The following TP53I11 variants were observed in gnomAD, a reference collection of about 807,000 sequenced individuals.
TP53I11 encodes the protein tumor protein p53 inducible protein 11, also known as tumor protein p53-inducible protein 11.
A neutral mutation model predicts 23.3 loss-of-function variants in TP53I11; 9 were observed. The ratio of observed to expected loss-of-function variants is 0.39; its 90% CI spans 0.23 to 0.67. The LOEUF (loss-of-function observed/expected upper bound fraction) is 0.67. Ranked by LOEUF, TP53I11 falls within the 30% of genes least tolerant of loss-of-function variation. The pLI, the probability that TP53I11 is intolerant of heterozygous loss-of-function variation, is 0.48. For missense variants in TP53I11, 170 were observed against 255.2 expected (o/e 0.67, Z 2.27); for synonymous variants, 100 against 106.1 (o/e 0.94, Z 0.35).
At chr11:44,937,837 G>C (rs928650592) in intron 2 of TP53I11, among the ~76,000 whole-genome samples, 1 of 152,230 alleles carries the variant, frequency 6.6e-6, no homozygotes, top group Non-Finnish European at 1.5e-5. Context: ...ACGTATGAAA[G>C]CTCAGGGCTC....
Position 44,934,825 on chromosome 11 carries a change from C to A in TP53I11, c.*59G>T. ...CTGCCTTCCAGGAGCCAAAGGGAAG[C>A]CGAGGCCCCAGCGCCACTCTGGCCC... On this transcript the variant is annotated 3_prime_UTR_variant, in exon 7 of 7. Transcript: ENST00000525680. The A allele has an allele frequency of 6.2e-6, 10 of 1,604,898 alleles. No individual in the cohort carries two copies. The South Asian group carries it at 1.1e-4, about 18-fold the overall frequency.
rs908014887 is a variant in TP53I11 at position 44,943,736 on chromosome 11, C to T, written c.-31-5370G>A. On this transcript the variant is annotated intron_variant, in intron 1 of 6. Coordinates refer to ENST00000525680, the MANE Select transcript of TP53I11 (RefSeq NM_006034.5). ...TCTGCAGCCACTGGCCACTTATAGC[C>T]TCTACTCCTGGTCATTTCACGGCAG... Among the ~76,000 whole-genome samples the T allele has an allele frequency of 1.6e-4, 24 of 152,338 alleles. 1 individual carries two copies. Among genetic ancestry groups the T allele is most frequent in the Admixed American group, 1.4e-3 (22 of 15,310 alleles).
intron 5 of TP53I11, chr11:44,935,932 G>A (rs538788838): frequency 9.2e-6 from 5 of 543,898 alleles, no homozygotes; most frequent in South Asian, 2.1e-5. Flanking sequence ...ATTGAGACTC[G>A]ATCTCTTTAT....
chr11:44,937,050 G>T, intron 4 of TP53I11, 151 bp from the exon 5 acceptor site: 1 of 726,084 alleles, frequency 1.4e-6, no homozygotes, highest in Non-Finnish European at 2.3e-6. Context: ...GTCCCCACCC[G>T]CCCCCATGCC....
In TP53I11 at chr11:44,933,327, T is replaced by C. The variant is rs1860745071; in HGVS notation, c.*1557A>G. 6.6e-6 allele frequency: 1 copy of C among 152,140 alleles called. No individual in the cohort carries two copies. The highest frequency in any genetic ancestry group is 2.4e-5 in the African/African-American group (1 of 41,416). The allele number at this position is 152,140 out of a possible 1,614,324, so 9.4% of individuals were successfully genotyped here. A position where few individuals can be genotyped will look rare whatever the true frequency, so the allele number is the denominator to read the frequency against. The stretch of plus-strand genomic sequence containing the variant: ...TGAGGACCCCTGGCAGGGGCCCACC[T>C]GGCAGCAGCCAGAGCGGGCTGTACC... On this transcript the variant is annotated 3_prime_UTR_variant, in exon 7 of 7. Transcript: ENST00000525680.
At position 44,936,579 on chromosome 11, in the gene TP53I11, T is replaced by C; in HGVS notation, c.334+224A>G. The C allele has an allele frequency of 1.5e-6, 2 of 1,308,594 alleles. No homozygotes were observed. Among genetic ancestry groups the C allele is most frequent in the East Asian group, 6.1e-5 (2 of 32,784 alleles). 81.1% of individuals were successfully genotyped at this position (1,308,594 alleles called of 1,614,324 possible). On this transcript the variant is annotated intron_variant, in intron 5 of 6. Transcript: ENST00000525680. The surrounding 1 kb of genome is among the most constrained non-coding windows in gnomAD (Gnocchi z 4.4). ...CACACTTATGAGCGCTCCTTGCAGA[T>C]GGTGGCGACTGCAAGCTCCAACCCA...
chr11:44,938,482 C>T (rs948561626), intron 1 of TP53I11, 116 bp from the exon 2 acceptor site: 18 of 1,238,314 alleles, frequency 1.5e-5, no homozygotes, highest in East Asian at 1.1e-4. Context: ...GGCCTCCCCA[C>T]GAGCCCAGGG....
In TP53I11 at chr11:44,934,856, T is replaced by C. The variant is rs758654269; in HGVS notation, c.*28A>G. On this transcript the variant is annotated 3_prime_UTR_variant, in exon 7 of 7. Coordinates refer to ENST00000525680, the MANE Select transcript of TP53I11 (RefSeq NM_006034.5). Reference sequence around the variant, plus strand: ...CCCCAGCGCCACTCTGGCCCAGGCATGGGCAGGGCCCCAGGCCCAGCGGGC... The same window carrying C: ...CCCCAGCGCCACTCTGGCCCAGGCACGGGCAGGGCCCCAGGCCCAGCGGGC... The C allele has an allele frequency of 3.7e-6, 6 of 1,613,322 alleles. No individual in the cohort carries two copies. The highest frequency in any genetic ancestry group is 2.2e-5 in the South Asian group (2 of 91,086).
rs181278845 is a variant in TP53I11 at position 44,937,052 on chromosome 11, C to T, written c.238-153G>A. 5.2e-5 allele frequency: 38 copies of T among 735,218 alleles called. No individual in the cohort carries two copies. In the Admixed American group the frequency reaches 8.1e-4, roughly 16 times the overall value. The allele number at this position is 735,218 out of a possible 1,614,324, so 45.5% of individuals were successfully genotyped here. A position where few individuals can be genotyped will look rare whatever the true frequency, so the allele number is the denominator to read the frequency against. On this transcript the variant is annotated intron_variant, in intron 4 of 6. Coordinates refer to ENST00000525680, the MANE Select transcript of TP53I11 (RefSeq NM_006034.5). Reference sequence around the variant, plus strand: ...TCTGGACCCAATTGTCCCCACCCGCCCCCATGCCAGGACAGAAAACTCCAG... The same window carrying T: ...TCTGGACCCAATTGTCCCCACCCGCTCCCATGCCAGGACAGAAAACTCCAG...
intron 1 of TP53I11, among the ~76,000 whole-genome samples, chr11:44,943,437 G>A (rs140632801): frequency 6.6e-6 from 1 of 152,326 alleles, no homozygotes; most frequent in African/African-American, 2.4e-5. Context: ...TGGCAAGAAG[G>A]GAGGACATGG....
intron 1 of TP53I11, among the ~76,000 whole-genome samples, chr11:44,942,185 CACACACCACACAT>C: frequency 7.0e-6 from 1 of 142,824 alleles, no homozygotes; most frequent in East Asian, 2.2e-4. Context: ...ACAAAACACA[CACACACCACACAT>C]ACCCACCACG....
chr11:44,940,638 G>C (rs968540152), intron 1 of TP53I11: 1 of 152,160 alleles, frequency 6.6e-6, no homozygotes, highest in Non-Finnish European at 1.5e-5. Flanking sequence ...GTAACAGCTT[G>C]TTTATCCATT....
In TP53I11 at chr11:44,935,680, A is replaced by ATTG; in HGVS notation, c.335-19_335-18insCAA. 2 of 1,149,472 alleles carry ATTG rather than the reference A, an allele frequency of 1.7e-6. No homozygotes were observed. Among genetic ancestry groups the ATTG allele is most frequent in the Non-Finnish European group, 2.5e-6 (2 of 785,632 alleles). 71.2% of individuals were successfully genotyped at this position (1,149,472 alleles called of 1,614,324 possible). On this transcript the variant is annotated intron_variant, in intron 5 of 6. Transcript: ENST00000525680. Reference sequence around the variant, plus strand: ...GGAGATGCCTGGGGCGGGGGATGAAAAGGGGGCTGGGGGTGGGACAGCTGA... The same window carrying ATTG: ...GGAGATGCCTGGGGCGGGGGATGAAATTGAGGGGGCTGGGGGTGGGACAGCTGA...
At chr11:44,940,326 C>A (rs1478602491) in intron 1 of TP53I11, among the ~76,000 whole-genome samples, 1 of 152,202 alleles carries the variant, frequency 6.6e-6, no homozygotes, top group Non-Finnish European at 1.5e-5. Flanking sequence ...TGTTAGCACA[C>A]GTATAGATTT....
At chr11:44,947,657 A>G (rs76348617) in intron 1 of TP53I11, among the ~76,000 whole-genome samples, 7,205 of 152,206 alleles carry the variant, frequency 0.047, 411 homozygotes, top group African/African-American at 0.14. Context: ...TGTCTCCCCA[A>G]TCCTGGGGTG....
chr11:44,943,147 C>T (rs948786103), intron 1 of TP53I11: 2 of 152,264 alleles, frequency 1.3e-5, no homozygotes, highest in African/African-American at 4.8e-5. Context: ...AGTGAGAACG[C>T]TCACCTCGCA....
chr11:44,936,262 G>C lies in TP53I11; in HGVS notation c.334+541C>G. ...TTCCAGCAACCCTAACTCCAGAGGA[G>C]CTCAGCCTTTATTCTGTAGGCAATA... On this transcript the variant is annotated intron_variant, in intron 5 of 6. Coordinates refer to ENST00000525680, the MANE Select transcript of TP53I11 (RefSeq NM_006034.5). This position sits in a 1 kb window ranked among gnomAD's most constrained non-coding sequence, Gnocchi z 4.4. 9.2e-7 allele frequency: 1 copy of C among 1,086,514 alleles called. No homozygotes were observed. Among genetic ancestry groups the C allele is most frequent in the Non-Finnish European group, 1.1e-6 (1 of 896,968 alleles). 67.3% of individuals were successfully genotyped at this position (1,086,514 alleles called of 1,614,324 possible). A position where few individuals can be genotyped will look rare whatever the true frequency, so the allele number is the denominator to read the frequency against.
intron 1 of TP53I11, among the ~76,000 whole-genome samples, chr11:44,946,221 G>A (rs375194383): frequency 3.3e-5 from 5 of 152,334 alleles, no homozygotes; most frequent in African/African-American, 9.6e-5. Flanking sequence ...TCCTCACAGC[G>A]GCCTCTGGGG....
In TP53I11 at chr11:44,950,857, C is replaced by T. The variant is rs1862903787; in HGVS notation, c.-212G>A. 1.3e-5 allele frequency: 2 copies of T among 152,298 alleles called. No individual in the cohort carries two copies. The highest frequency in any genetic ancestry group is 4.1e-4 in the South Asian group (2 of 4,916). The allele number at this position is 152,298 out of a possible 1,614,324, so 9.4% of individuals were successfully genotyped here. On this transcript the variant is annotated 5_prime_UTR_variant, in exon 1 of 7. Coordinates refer to ENST00000525680, the MANE Select transcript of TP53I11 (RefSeq NM_006034.5). ...GGGCCGGCTGGACTGCGCGCGGCGC[C>T]CTGCGCGGCCGGGGCTTACCGAGTC...
Sources: gnomAD v4.1 joint callset for allele counts (sites outside exome capture counted in the v4.1 genomes callset) on GRCh38, gnomAD v4.1.1 for gene constraint, Gnocchi (gnomAD v3.1) non-coding constraint, MANE v1.5 for transcripts, NCBI Gene and HGNC (gene_info 2026-07-23, HGNC 2026-07-21) for gene names.